Variants in PLXNA2 observed in about 807,000 individuals in gnomAD.
The protein encoded by PLXNA2 is plexin-A2.
A neutral mutation model predicts 193.5 loss-of-function variants in PLXNA2; 91 were observed. That is an observed-to-expected ratio of 0.47 (90% CI 0.40 to 0.56). PLXNA2 has a LOEUF of 0.56. Ranked by LOEUF, PLXNA2 falls within the 20% of genes least tolerant of loss-of-function variation. The probability of loss-of-function intolerance (pLI) is 0.00; values close to 1 mark genes in which losing one functional copy is unlikely to be tolerated. For synonymous variants in PLXNA2, 997 were observed against 1,027.3 expected (o/e 0.97, Z 0.56); for missense variants, 1,995 against 2,503.2 (o/e 0.80, Z 4.33).
chr1:208,193,077 C>G (rs1670236128), intron 3 of PLXNA2, among the ~76,000 whole-genome samples: 1 of 152,146 alleles, frequency 6.6e-6, no homozygotes, highest in Non-Finnish European at 1.5e-5. Flanking sequence ...TAGATGAAAA[C>G]TCTGTGCATC....
chr1:208,192,101 GC>G (rs1364421534), intron 3 of PLXNA2, among the ~76,000 whole-genome samples: 1 of 152,116 alleles, frequency 6.6e-6, no homozygotes, highest in East Asian at 1.9e-4. Flanking sequence ...TCCTCTCTCA[GC>G]CCGTGCTGCC....
Position 208,022,466 on chromosome 1 carries a change from C to G in PLXNA2, c.*4777G>C, listed in dbSNP as rs932751295. On this transcript the variant is annotated 3_prime_UTR_variant, in exon 32 of 32. Coordinates refer to ENST00000367033, the MANE Select transcript of PLXNA2 (RefSeq NM_025179.4). ...CACCTGTAAAAACAACAAAACCAGA[C>G]AACCATCATTGTATTTTCTTAAAAA... 9.8e-5 allele frequency: 15 copies of G among 152,566 alleles called. No individual in the cohort carries two copies. The highest frequency in any genetic ancestry group is 1.6e-4 in the Non-Finnish European group (11 of 68,020). The allele number at this position is 152,566 out of a possible 1,614,324, so 9.5% of individuals were successfully genotyped here.
At chr1:208,106,508 A>G (rs929511189) in intron 4 of PLXNA2, among the ~76,000 whole-genome samples, 1 of 152,256 alleles carries the variant, frequency 6.6e-6, no homozygotes, top group African/African-American at 2.4e-5. Context: ...CACTGCCTGC[A>G]TCTGTGCTGC....
intron 8 of PLXNA2, 44 bp downstream of exon 8, chr1:208,095,985 C>T: frequency 6.9e-7 from 1 of 1,453,916 alleles, no homozygotes; most frequent in African/African-American, 1.4e-5. Context: ...AAGCCCATAC[C>T]CACATCCAGA....
At chr1:208,118,194 C>T (rs1667696867) in intron 4 of PLXNA2, among the ~76,000 whole-genome samples, 1 of 152,188 alleles carries the variant, frequency 6.6e-6, no homozygotes, top group Non-Finnish European at 1.5e-5. Flanking sequence ...AGGCTTATTG[C>T]ATACAGATGG....
intron 5 of PLXNA2, among the ~76,000 whole-genome samples, chr1:208,099,457 C>T (rs947313666): frequency 1.3e-5 from 2 of 152,208 alleles, no homozygotes; most frequent in Admixed American, 6.5e-5. Flanking sequence ...AAGTCATTTA[C>T]AGCCAGTGTA....
At chr1:208,235,535 G>C (rs1671824687) in intron 1 of PLXNA2, among the ~76,000 whole-genome samples, 1 of 152,162 alleles carries the variant, frequency 6.6e-6, no homozygotes, top group Non-Finnish European at 1.5e-5. Context: ...CTGGGTAAGG[G>C]GCAGGAGCCA....
At chr1:208,241,439 A>G (rs1672046984) in intron 1 of PLXNA2, among the ~76,000 whole-genome samples, 1 of 152,186 alleles carries the variant, frequency 6.6e-6, no homozygotes, top group Admixed American at 6.5e-5. Flanking sequence ...AGACACTGCC[A>G]TACTCTTCAT....
At chr1:208,085,725 C>T (rs1383024585) in intron 9 of PLXNA2, among the ~76,000 whole-genome samples, 3 of 152,222 alleles carry the variant, frequency 2.0e-5, no homozygotes, top group African/African-American at 7.2e-5. Flanking sequence ...GCAAGCCGTT[C>T]AGCATCTGGC....
intron 4 of PLXNA2, among the ~76,000 whole-genome samples, chr1:208,118,709 G>T (rs530130443): frequency 1.3e-5 from 2 of 151,890 alleles, no homozygotes; most frequent in Non-Finnish European, 2.9e-5. Context: ...ACAGAGAGGG[G>T]AACCTGGGGG....
At position 208,038,963 on chromosome 1, in the gene PLXNA2, C is replaced by T; in HGVS notation, c.4522G>A (p.Asp1508Asn). The T allele has an allele frequency of 6.2e-7, 1 of 1,613,902 alleles. No individual in the cohort carries two copies. Among genetic ancestry groups the T allele is most frequent in the African/African-American group, 1.3e-5 (1 of 75,010 alleles). Reference protein sequence around the residue: ...KTLILNCVNPDNENSPEIPVK... With the variant: ...KTLILNCVNPNNENSPEIPVK... The stretch of plus-strand genomic sequence containing the variant: ...GGGATCTCTGGACTGTTCTCGTTGT[C>T]AGGGTTGACGCAGTTCAGGATCTAC... Residue 1508 changes from aspartate (D) to asparagine (N), a missense_variant, in exon 25 of 32, where the codon GAC (aspartate) becomes AAC (asparagine). Physicochemically the swap from Asp to Asn is conservative, Grantham distance 23 (BLOSUM62 1). Around this residue, in one of 3 missense-constraint regions of PLXNA2, gnomAD observed 1,291 missense variants for 1,673.6 expected, o/e 0.77. Coordinates refer to ENST00000367033, the MANE Select transcript of PLXNA2 (RefSeq NM_025179.4). This position sits in a 1 kb window ranked among gnomAD's most constrained non-coding sequence, Gnocchi z 4.1.
At chr1:208,156,885 G>T (rs1001264602) in intron 3 of PLXNA2, among the ~76,000 whole-genome samples, 4 of 152,176 alleles carry the variant, frequency 2.6e-5, no homozygotes, top group African/African-American at 9.7e-5. Context: ...AAACCAGCAA[G>T]CTTCCTTTTC....
intron 3 of PLXNA2, 140 bp downstream of exon 3, chr1:208,210,140 C>T: frequency 2.3e-6 from 2 of 865,196 alleles, no homozygotes; most frequent in Non-Finnish European, 3.7e-6. Context: ...TTAACCCCTT[C>T]TTACCTCCCC....
At chr1:208,134,120 C>T (rs1483416707) in intron 4 of PLXNA2, among the ~76,000 whole-genome samples, 1 of 152,152 alleles carries the variant, frequency 6.6e-6, no homozygotes, top group African/African-American at 2.4e-5. Flanking sequence ...TCTTTCCAAA[C>T]CAAAGGATTT....
At chr1:208,057,176 C>T (rs976467746) in intron 13 of PLXNA2, among the ~76,000 whole-genome samples, 1 of 152,218 alleles carries the variant, frequency 6.6e-6, no homozygotes, top group African/African-American at 2.4e-5. Context: ...CTCTACAAGA[C>T]AGGATCTCAT....
chr1:208,208,131 C>A (rs12759501), intron 3 of PLXNA2, among the ~76,000 whole-genome samples: 30,627 of 152,242 alleles, frequency 0.2, 4,071 homozygotes, highest in Non-Finnish European at 0.29. Flanking sequence ...AACTCAAGGT[C>A]CCTTTGTATC....
intron 18 of PLXNA2, among the ~76,000 whole-genome samples, chr1:208,045,503 AG>A (rs1665030937): frequency 6.6e-6 from 1 of 152,144 alleles, no homozygotes; most frequent in Non-Finnish European, 1.5e-5. Flanking sequence ...TCACGAAAGT[AG>A]TGGGGCAACA....
Position 208,117,105 on chromosome 1 carries a change from A to T in PLXNA2, c.1507-13858T>A, listed in dbSNP as rs1667659910. On this transcript the variant is annotated intron_variant, in intron 4 of 31. Coordinates refer to ENST00000367033, the MANE Select transcript of PLXNA2 (RefSeq NM_025179.4). Reference sequence around the variant, plus strand: ...AGAATAGCTTGAACCTGGGAGGTGGAGGTTGCAGTGAGCCGGGATCACACC... The same window carrying T: ...AGAATAGCTTGAACCTGGGAGGTGGTGGTTGCAGTGAGCCGGGATCACACC... 2.0e-5 allele frequency among the ~76,000 whole-genome samples: 3 copies of T among 152,248 alleles called. No homozygotes were observed. In the South Asian group the frequency reaches 6.2e-4, roughly 32 times the overall value.
chr1:208,217,733 C>T lies in PLXNA2; in HGVS notation c.190G>A (p.Val64Met). 6.2e-7 allele frequency: 1 copy of T among 1,614,192 alleles called. No homozygotes were observed. Among genetic ancestry groups the T allele is most frequent in the South Asian group, 1.1e-5 (1 of 91,074 alleles). Reference protein sequence around the residue: ...TVHQGTGAVYVGAINRVYKLT... With the variant: ...TVHQGTGAVYMGAINRVYKLT... ...TTATAGACCCGGTTGATGGCCCCCA[C>T]ATAGACGGCCCCCGTCCCTTGGTGG... Residue 64 changes from valine to methionine, a missense_variant, in exon 2 of 32, where the codon GTG (valine) becomes ATG (methionine). Around this residue, in one of 3 missense-constraint regions of PLXNA2, gnomAD observed 702 missense variants for 812.9 expected, o/e 0.86. Transcript: ENST00000367033. The surrounding 1 kb of genome is among the most constrained non-coding windows in gnomAD (Gnocchi z 4.7).
Sources: gnomAD v4.1 joint callset for allele counts (sites outside exome capture counted in the v4.1 genomes callset) on GRCh38, gnomAD v4.1.1 for gene constraint, gnomAD v4.1.1 regional missense constraint, Gnocchi (gnomAD v3.1) non-coding constraint, MANE v1.5 for transcripts, NCBI Gene and HGNC (gene_info 2026-07-23, HGNC 2026-07-21) for gene names.